Variants in DLG2 observed in about 807,000 individuals in gnomAD.
DLG2 encodes disks large homolog 2.
In DLG2, 45 loss-of-function variants were observed where a neutral mutation model predicts 132.5. The ratio of observed to expected loss-of-function variants is 0.34; its 90% confidence interval spans 0.27 to 0.44. DLG2 has a LOEUF of 0.44. Ranked by LOEUF, DLG2 falls within the 20% of genes least tolerant of loss-of-function variation. The pLI, the probability that DLG2 is intolerant of heterozygous loss-of-function variation, is 1.00. For synonymous variants in DLG2, 424 were observed against 419.6 expected (o/e 1.01, Z -0.13); for missense variants, 1,045 against 1,196.9 (o/e 0.87, Z 1.87).
intron 8 of DLG2, among the ~76,000 whole-genome samples, chr11:84,169,119 G>A (rs1046540373): frequency 5.3e-5 from 8 of 152,226 alleles, no homozygotes; most frequent in Admixed American, 3.3e-4. Context: ...TTTATGTGAA[G>A]AATAGTACTA....
intron 7 of DLG2, among the ~76,000 whole-genome samples, chr11:84,405,369 T>A (rs2098845058): frequency 6.6e-6 from 1 of 152,164 alleles, no homozygotes; most frequent in Non-Finnish European, 1.5e-5. Flanking sequence ...TCCTATTATC[T>A]CTGCCTGACA....
intron 3 of DLG2, among the ~76,000 whole-genome samples, chr11:85,365,643 T>C (rs1029057989): frequency 2.6e-5 from 4 of 152,306 alleles, no homozygotes; most frequent in East Asian, 1.9e-4. Context: ...TGTATGTTTA[T>C]TGCAGCACTA....
chr11:83,844,643 GAATA>G (rs1018670705), intron 16 of DLG2, among the ~76,000 whole-genome samples: 1 of 149,398 alleles, frequency 6.7e-6, no homozygotes, highest in African/African-American at 2.4e-5. Context: ...TGATAAAACT[GAATA>G]AATTGGGAGA....
chr11:85,112,211 GGATAGATCTCAGA>G (rs1454031850), intron 5 of DLG2, among the ~76,000 whole-genome samples: 6 of 152,022 alleles, frequency 3.9e-5, no homozygotes, highest in Admixed American at 6.6e-5. Flanking sequence ...GGGTTGAAAG[GGATAGATCTCAGA>G]GGCCTTCTTA....
Position 85,537,993 on chromosome 11 carries a change from G to A in DLG2, c.40+60664C>T, listed in dbSNP as rs148866203. ...TAGCAGGGCGTGGTGGCAGGCACCT[G>A]TAATCCCAGCTACTTGAGAGGCTGA... On this transcript the variant is annotated intron_variant, in intron 3 of 27. Transcript: ENST00000376104. 9.4e-3 allele frequency among the ~76,000 whole-genome samples: 1,430 copies of A among 151,958 alleles called. 44 individuals carry two copies. Among genetic ancestry groups the A allele is most frequent in the African/African-American group, 0.033 (1,352 of 41,268 alleles).
chr11:84,117,660 C>T (rs2093698515), intron 9 of DLG2, among the ~76,000 whole-genome samples: 1 of 152,140 alleles, frequency 6.6e-6, no homozygotes, highest in South Asian at 2.1e-4. Flanking sequence ...GAACTTACTT[C>T]TGCTGCCACA....
At chr11:84,934,586 C>A (rs1246009384) in intron 6 of DLG2, among the ~76,000 whole-genome samples, 1 of 120,000 alleles carries the variant, frequency 8.3e-6, no homozygotes, top group Non-Finnish European at 1.6e-5. Context: ...TTTCAGACCT[C>A]ATTATTAGTC....
intron 14 of DLG2, among the ~76,000 whole-genome samples, chr11:83,948,413 T>A (rs1196544265): frequency 6.6e-6 from 1 of 152,136 alleles, no homozygotes; most frequent in Non-Finnish European, 1.5e-5. Flanking sequence ...ATGGCCAGAA[T>A]GACAGGCATT....
chr11:83,833,446 G>A (rs2055169872), intron 17 of DLG2, among the ~76,000 whole-genome samples, 168 bp downstream of exon 17: 1 of 152,040 alleles, frequency 6.6e-6, no homozygotes, highest in Non-Finnish European at 1.5e-5. Flanking sequence ...TGTCTCAAAG[G>A]AAACAAAAAC....
chr11:84,892,230 T>G (rs1036908350), intron 6 of DLG2, among the ~76,000 whole-genome samples: 8 of 152,176 alleles, frequency 5.3e-5, no homozygotes, highest in Non-Finnish European at 1.2e-4. Context: ...TAGTGACAAA[T>G]GGCCAGATAA....
intron 2 of DLG2, among the ~76,000 whole-genome samples, chr11:85,617,772 C>CT (rs2081438743): frequency 6.6e-6 from 1 of 152,120 alleles, no homozygotes; most frequent in African/African-American, 2.4e-5. Flanking sequence ...TATTACCATG[C>CT]TTTTAATGAT....
At chr11:83,541,965 G>T in intron 19 of DLG2, 107 bp from the exon 20 acceptor site, 1 of 1,043,650 alleles carries the variant, frequency 9.6e-7, no homozygotes, top group East Asian at 2.8e-5. Context: ...ATCATCACTT[G>T]ATATCAACTC....
chr11:83,618,150 G>A lies in DLG2; in HGVS notation c.1940+15061C>T, dbSNP rs571294534. Among the ~76,000 whole-genome samples the A allele has an allele frequency of 8.9e-4, 135 of 152,108 alleles. 1 individual carries two copies. The South Asian group carries it at 8.9e-3, about 10-fold the overall frequency. ...TCATCTGAATCTTATCTTTTATTCT[G>A]TTAATGTGATTTTCTAATGTTAAAG... On this transcript the variant is annotated intron_variant, in intron 19 of 27. Coordinates refer to ENST00000376104, the MANE Select transcript of DLG2 (RefSeq NM_001142699.3).
At chr11:85,245,505 A>C (rs957169047) in intron 4 of DLG2, among the ~76,000 whole-genome samples, 7 of 151,846 alleles carry the variant, frequency 4.6e-5, no homozygotes, top group Admixed American at 4.0e-4. Context: ...TTCCATCACT[A>C]CCACCCTGGT....
chr11:85,303,246 G>A (rs1316437539), intron 3 of DLG2, among the ~76,000 whole-genome samples: 1 of 152,150 alleles, frequency 6.6e-6, no homozygotes, highest in Non-Finnish European at 1.5e-5. Context: ...CTCAGGCTTG[G>A]TTTTGAAGTA....
chr11:83,801,914 T>A (rs1279572193), intron 17 of DLG2, among the ~76,000 whole-genome samples: 1 of 152,202 alleles, frequency 6.6e-6, no homozygotes, highest in East Asian at 1.9e-4. Flanking sequence ...TTTATTTAAA[T>A]CATTAAAATT....
intron 6 of DLG2, among the ~76,000 whole-genome samples, chr11:84,796,838 A>G (rs1024068069): frequency 1.5e-5 from 2 of 135,108 alleles, no homozygotes; most frequent in East Asian, 3.9e-4. Flanking sequence ...TTTTTATTAT[A>G]TTTTATTTAT....
At chr11:84,212,269 A>G (rs1271217350) in intron 8 of DLG2, among the ~76,000 whole-genome samples, 2 of 152,242 alleles carry the variant, frequency 1.3e-5, no homozygotes, top group Non-Finnish European at 2.9e-5. Context: ...ATATTCCTTA[A>G]AGCAAACACT....
At chr11:84,123,640 C>T (rs1029545851) in intron 9 of DLG2, among the ~76,000 whole-genome samples, 2 of 152,184 alleles carry the variant, frequency 1.3e-5, no homozygotes, top group African/African-American at 4.8e-5. Context: ...TGATGCTGGC[C>T]TCCTACTTCA....
Sources: allele counts gnomAD v4.1 joint callset (sites outside exome capture counted in the v4.1 genomes callset), GRCh38; gene constraint gnomAD v4.1.1; transcripts MANE v1.5; gene names NCBI Gene and HGNC (gene_info 2026-07-23, HGNC 2026-07-21).